Variants in SIK3 observed in about 807,000 individuals in gnomAD.
SIK3 encodes SIK family kinase 3.
A neutral mutation model predicts 144.2 loss-of-function variants in SIK3; 28 were observed. That is an observed-to-expected ratio of 0.19 (90% CI 0.14 to 0.27). The LOEUF is 0.27. SIK3 is among the 10% of genes least tolerant of loss of function. The pLI, the probability that SIK3 is intolerant of heterozygous loss-of-function variation, is 1.00. For missense variants in SIK3, 1,319 were observed against 1,776.0 expected, an observed-to-expected ratio of 0.74 and a Z score of 4.62; for synonymous variants, 686 against 676.3, an observed-to-expected ratio of 1.01 and a Z score of -0.22.
chr11:117,021,948 A>AAAAAAAAAAAAAAAAAC (rs1565565731), intron 1 of SIK3, among the ~76,000 whole-genome samples: 1 of 127,914 alleles, frequency 7.8e-6, no homozygotes, highest in African/African-American at 3.4e-5. Context: ...AAAAAAAAAA[A>AAAAAAAAAAAAAAAAAC]AAAAAAAAAA....
Position 116,917,102 on chromosome 11 carries a change from G to A in SIK3, c.616+10117C>T, listed in dbSNP as rs554838817. Among the ~76,000 whole-genome samples, 53 of 152,036 alleles carry A rather than the reference G, an allele frequency of 3.5e-4. 1 individual carries two copies. The South Asian group carries it at 8.1e-3, about 23-fold the overall frequency. ...CTTGAGTAGCTGGGACTACAGGTGC[G>A]TGCGACCACACCTGGCTTCCAACAC... On this transcript the variant is annotated intron_variant, in intron 4 of 24. Coordinates refer to ENST00000445177, the MANE Select transcript of SIK3 (RefSeq NM_001366686.3).
At chr11:116,932,845 G>A (rs1186687672) in intron 3 of SIK3, among the ~76,000 whole-genome samples, 1 of 152,038 alleles carries the variant, frequency 6.6e-6, no homozygotes, top group Non-Finnish European at 1.5e-5. Context: ...CATTCAAGCT[G>A]GACTGCAGTG....
intron 1 of SIK3, among the ~76,000 whole-genome samples, chr11:117,080,726 T>G (rs1954747152): frequency 6.6e-6 from 1 of 152,124 alleles, no homozygotes; most frequent in East Asian, 1.9e-4. Flanking sequence ...GGCAGGGGGA[T>G]CACTCAAGGC....
chr11:116,849,132 G>A lies in SIK3; in HGVS notation c.3807C>T (p.Ser1269=), dbSNP rs774414966. 18 of 1,598,244 alleles carry A rather than the reference G, an allele frequency of 1.1e-5. No homozygotes were observed. Among genetic ancestry groups the A allele is most frequent in the East Asian group, 2.2e-5 (1 of 44,578 alleles). The change falls in exon 22 of 25, where the codon AGC becomes AGT. Residue 1269 remains serine (S), a synonymous_variant. Coordinates refer to ENST00000445177, the MANE Select transcript of SIK3 (RefSeq NM_001366686.3). This position sits in a 1 kb window ranked among gnomAD's most constrained non-coding sequence, Gnocchi z 4.2. ...GGGACCAACATACATAAGCATCGTC[G>A]CTGTTCTGGATCGTGTGGTGTCTCT... ...ALQRHHTIQN[S]DDAYVQLDNL... is the part of the protein sequence containing the mutation.
At chr11:116,926,558 A>G (rs1947284490) in intron 4 of SIK3, among the ~76,000 whole-genome samples, 1 of 152,222 alleles carries the variant, frequency 6.6e-6, no homozygotes, top group South Asian at 2.1e-4. Flanking sequence ...GACATAAATC[A>G]ACCTTCTCAA....
chr11:117,044,635 A>C (rs941334118), intron 1 of SIK3, among the ~76,000 whole-genome samples: 1 of 152,156 alleles, frequency 6.6e-6, no homozygotes, highest in Non-Finnish European at 1.5e-5. Context: ...AAAAGTTAAA[A>C]ACTTGAGGGC....
intron 6 of SIK3, among the ~76,000 whole-genome samples, chr11:116,887,374 T>A (rs1043641361): frequency 3.3e-5 from 5 of 152,034 alleles, no homozygotes; most frequent in African/African-American, 1.2e-4. Context: ...CCCAGCACTT[T>A]GGGAAGCCGA....
Position 116,858,363 on chromosome 11 carries a change from C to A in SIK3, c.3102G>T (p.Arg1034=). Residue 1034 remains arginine, a synonymous_variant, in exon 21 of 25, where the codon CGG becomes CGT. Transcript: ENST00000445177. The surrounding 1 kb of genome is among the most constrained non-coding windows in gnomAD (Gnocchi z 5.4). ...GCTGTGCAAACTCTGTTGGGGGCAG[C>A]CGGATGTCCGAGTGGCCGGTGAGCG... ...RHSLTGHSDI[R]LPPTEFAQLI... The A allele has an allele frequency of 6.2e-7, 1 of 1,613,650 alleles. No individual in the cohort carries two copies.
intron 16 of SIK3, among the ~76,000 whole-genome samples, chr11:116,862,595 G>A (rs907813815): frequency 3.9e-5 from 6 of 152,224 alleles, no homozygotes; most frequent in African/African-American, 1.4e-4. Flanking sequence ...CAAAGCACAC[G>A]CCATTGGAAG....
chr11:117,073,880 A>G (rs1464260544), intron 1 of SIK3, among the ~76,000 whole-genome samples: 2 of 152,162 alleles, frequency 1.3e-5, no homozygotes, highest in Non-Finnish European at 2.9e-5. Context: ...AGAAAATTTT[A>G]TGTTTTCACT....
chr11:117,089,477 T>C (rs1269484384), intron 1 of SIK3, among the ~76,000 whole-genome samples: 4 of 152,092 alleles, frequency 2.6e-5, no homozygotes, highest in Non-Finnish European at 5.9e-5. Flanking sequence ...TTCATTTCAC[T>C]GAATGCTCCT....
intron 3 of SIK3, among the ~76,000 whole-genome samples, chr11:116,947,540 T>TATGG: frequency 1.4e-5 from 1 of 71,298 alleles, no homozygotes; most frequent in Admixed American, 1.5e-4. Flanking sequence ...TATATGTATG[T>TATGG]ATGTATGTAT....
intron 1 of SIK3, chr11:117,035,933 C>T (rs1340123862): frequency 6.9e-5 from 110 of 1,592,416 alleles, no homozygotes; most frequent in Non-Finnish European, 9.0e-5. Flanking sequence ...GATTTTATAG[C>T]ATCCTGGGCA....
At chr11:116,862,124 C>A (rs1943369621) in intron 17 of SIK3, 78 bp downstream of exon 17, 2 of 1,602,248 alleles carry the variant, frequency 1.2e-6, no homozygotes, top group Admixed American at 3.3e-5. Flanking sequence ...ACTGAGTGGT[C>A]TCCTCCAAAA....
At chr11:117,053,829 T>C (rs566582557) in intron 1 of SIK3, among the ~76,000 whole-genome samples, 1 of 152,292 alleles carries the variant, frequency 6.6e-6, no homozygotes, top group African/African-American at 2.4e-5. Context: ...TTAGTTTTTG[T>C]AGAGATGGGG....
chr11:116,920,217 C>A (rs1403079127), intron 4 of SIK3, among the ~76,000 whole-genome samples: 4 of 150,834 alleles, frequency 2.7e-5, no homozygotes, highest in Non-Finnish European at 5.9e-5. Context: ...GCTGCTCCAA[C>A]TCAGTGCCCA....
intron 1 of SIK3, among the ~76,000 whole-genome samples, chr11:117,095,355 G>T (rs1955429921): frequency 1.3e-5 from 2 of 151,858 alleles, no homozygotes; most frequent in South Asian, 4.2e-4. Context: ...TTCCTACAAG[G>T]GGAAAAAAAA....
chr11:116,938,804 G>A (rs1948131207), intron 3 of SIK3, among the ~76,000 whole-genome samples: 1 of 152,178 alleles, frequency 6.6e-6, no homozygotes, highest in South Asian at 2.1e-4. Flanking sequence ...ACAGGAGTCA[G>A]CCTGAAGAGG....
At chr11:117,000,197 A>G (rs564136018) in intron 1 of SIK3, among the ~76,000 whole-genome samples, 5 of 152,356 alleles carry the variant, frequency 3.3e-5, no homozygotes, top group African/African-American at 4.8e-5. Context: ...GGGAAAGTAC[A>G]GTATGGAATA....
Sources: gnomAD v4.1 joint callset for allele counts (sites outside exome capture counted in the v4.1 genomes callset) on GRCh38, gnomAD v4.1.1 for gene constraint, Gnocchi (gnomAD v3.1) non-coding constraint, MANE v1.5 for transcripts, NCBI Gene and HGNC (gene_info 2026-07-23, HGNC 2026-07-21) for gene names.